Variants in MCM3 observed in about 807,000 individuals in gnomAD.
MCM3 encodes the protein minichromosome maintenance complex component 3.
Under a neutral mutation model 91.3 loss-of-function variants are expected in MCM3, and 59 were observed. The ratio of observed to expected loss-of-function variants is 0.65; its 90% CI spans 0.52 to 0.80. MCM3 has a LOEUF of 0.80. Ranked by LOEUF, MCM3 falls within the 30% of genes least tolerant of loss-of-function variation. MCM3 has a pLI of 0.00. For missense variants in MCM3, 919 were observed against 1,035.4 expected (o/e 0.89, Z 1.54); for synonymous variants, 383 against 379.6 (o/e 1.01, Z -0.10).
Position 52,283,148 on chromosome 6 carries a change from A to G in MCM3, c.191+146T>C, listed in dbSNP as rs868647771. The G allele has an allele frequency of 5.8e-4, 385 of 660,510 alleles. 1 individual carries two copies. The African/African-American group carries it at 6.5e-3, about 11-fold the overall frequency. 40.9% of individuals were successfully genotyped at this position (660,510 alleles called of 1,614,324 possible). On this transcript the variant is annotated intron_variant, in intron 2 of 16. Coordinates refer to ENST00000596288, the MANE Select transcript of MCM3 (RefSeq NM_002388.6). ...AACCACCCACTTTTTGAAAAAAAAAAAAAAAAAAATAGGTGCAGGTGAGCT... is the reference window on the plus strand; with the variant it reads ...AACCACCCACTTTTTGAAAAAAAAAGAAAAAAAAATAGGTGCAGGTGAGCT...
chr6:52,269,244 G>A lies in MCM3; in HGVS notation c.1828-18C>T. On this transcript the variant is annotated intron_variant, in intron 12 of 16. Transcript: ENST00000596288. ...GGAGATGTCTAGGGAAGAAAAGGGA[G>A]GATTGCTTATCCCAAGTCTTTTAGG... The A allele has an allele frequency of 6.3e-7, 1 of 1,597,738 alleles. No individual in the cohort carries two copies. The highest frequency in any genetic ancestry group is 1.1e-5 in the South Asian group (1 of 90,052).
chr6:52,270,560 T>TC (rs1427070152), intron 12 of MCM3, among the ~76,000 whole-genome samples: 1 of 152,150 alleles, frequency 6.6e-6, no homozygotes, highest in Non-Finnish European at 1.5e-5. Flanking sequence ...AGTCATACAC[T>TC]CCATGACAAG....
At chr6:52,273,209 A>T (rs1265311016) in intron 11 of MCM3, 21 bp downstream of exon 11, 5 of 1,613,960 alleles carry the variant, frequency 3.1e-6, no homozygotes, top group Non-Finnish European at 4.2e-6. Context: ...TCCCTTGAGG[A>T]AGAGTTATGA....
chr6:52,278,070 C>CAAAAAAAAAAAAA (rs61625257), intron 6 of MCM3, among the ~76,000 whole-genome samples: 10 of 38,972 alleles, frequency 2.6e-4, no homozygotes, highest in African/African-American at 2.4e-4. Context: ...TCCGTCTCAC[C>CAAAAAAAAAAAAA]AAAAAAAAAA....
chr6:52,267,283 A>T (rs1172167602), intron 14 of MCM3, among the ~76,000 whole-genome samples: 1 of 151,726 alleles, frequency 6.6e-6, no homozygotes, highest in Non-Finnish European at 1.5e-5. Context: ...TATTTTTAGT[A>T]GAGACAGGGT....
At chr6:52,266,500 G>T in intron 15 of MCM3, 111 bp downstream of exon 15, 1 of 972,076 alleles carries the variant, frequency 1.0e-6, no homozygotes, top group Non-Finnish European at 1.6e-6. Flanking sequence ...TAGGCCCCAA[G>T]CAGGGAGCCA....
intron 16 of MCM3, among the ~76,000 whole-genome samples, chr6:52,265,670 A>T (rs1462968459): frequency 1.3e-5 from 2 of 152,228 alleles, no homozygotes; most frequent in Non-Finnish European, 2.9e-5. Context: ...AGTAAACAAA[A>T]TTCATAGATA....
rs1329330904 is a variant in MCM3, at chr6:52,279,611, C to A, written c.532-12G>T. 3 of 1,592,370 alleles carry A rather than the reference C, an allele frequency of 1.9e-6. No individual in the cohort carries two copies. The African/African-American group carries it at 4.0e-5, about 21-fold the overall frequency. ...TTGTTCTCCTCATCCTAGAAAAAGG[C>A]ACACAGAGGGACAGAGTGATCTCCG... is the stretch of plus-strand genomic sequence containing the variant. On this transcript the variant is annotated splice_polypyrimidine_tract_variant and intron_variant, in intron 4 of 16. Transcript: ENST00000596288.
Position 52,283,099 on chromosome 6 carries a change from A to G in MCM3, c.191+195T>C, listed in dbSNP as rs1343797130. Among the ~76,000 whole-genome samples, 21 of 150,126 alleles carry G rather than the reference A, an allele frequency of 1.4e-4. 1 individual carries two copies. Among genetic ancestry groups the G allele is most frequent in the Admixed American group, 1.3e-3 (19 of 14,946 alleles). ...TGATATTCAGCTAAACATTGGAAGG[A>G]GGGGCATTTGGGAGGAAAATGCCAA... On this transcript the variant is annotated intron_variant, in intron 2 of 16. Coordinates refer to ENST00000596288, the MANE Select transcript of MCM3 (RefSeq NM_002388.6).
chr6:52,278,915 C>G, intron 5 of MCM3, 65 bp from the exon 6 acceptor site: 1 of 1,187,828 alleles, frequency 8.4e-7, no homozygotes, highest in Non-Finnish European at 1.2e-6. Flanking sequence ...AGCTAGTACC[C>G]CTAGCAGGAG....
chr6:52,278,916 C>A, intron 5 of MCM3, 66 bp from the exon 6 acceptor site: 2 of 1,172,430 alleles, frequency 1.7e-6, no homozygotes, highest in South Asian at 1.4e-5. Context: ...GCTAGTACCC[C>A]TAGCAGGAGT....
chr6:52,273,287 T>G lies in MCM3; in HGVS notation c.1619A>C (p.Gln540Pro), dbSNP rs766445876. The change falls in exon 11 of 17, where the codon CAG becomes CCG. Residue 540 changes from glutamine (Q) to proline (P), a missense_variant. Gln to Pro is a moderately conservative substitution (Grantham distance 76, BLOSUM62 -1). Coordinates refer to ENST00000596288, the MANE Select transcript of MCM3 (RefSeq NM_002388.6). The part of the protein sequence containing the change: ...DDPNFSQEDQ[Q>P]DTQIYEKHDN... The stretch of plus-strand genomic sequence containing the variant: ...ATGCTTCTCATAAATCTGGGTGTCC[T>G]GCTGATCTTCCTGGCTAAAGTTGGG... 6.2e-7 allele frequency: 1 copy of G among 1,614,218 alleles called. No individual in the cohort carries two copies. Among genetic ancestry groups the G allele is most frequent in the South Asian group, 1.1e-5 (1 of 91,088 alleles).
chr6:52,282,438 C>G (rs528368745), intron 3 of MCM3, among the ~76,000 whole-genome samples: 1 of 152,258 alleles, frequency 6.6e-6, no homozygotes, highest in African/African-American at 2.4e-5. Context: ...AACCAAGACT[C>G]CTCCAGCTCT....
chr6:52,274,698 A>C (rs1007310808), intron 9 of MCM3, among the ~76,000 whole-genome samples: 1 of 151,890 alleles, frequency 6.6e-6, no homozygotes, highest in African/African-American at 2.4e-5. Flanking sequence ...CAGAAAAAAA[A>C]AAAAAAAATC....
At chr6:52,273,004 A>G (rs1026530758) in intron 11 of MCM3, among the ~76,000 whole-genome samples, 25 of 152,230 alleles carry the variant, frequency 1.6e-4, no homozygotes, top group African/African-American at 5.5e-4. Context: ...CTATTTTAAG[A>G]AAAGACCTGA....
At chr6:52,284,445 T>A (rs1766459130) in intron 1 of MCM3, 152 bp downstream of exon 1, 1 of 637,728 alleles carries the variant, frequency 1.6e-6, no homozygotes, top group Non-Finnish European at 2.6e-6. Flanking sequence ...AGTCCGGCGT[T>A]GAGAAGTTAC....
intron 3 of MCM3, among the ~76,000 whole-genome samples, chr6:52,282,394 G>A (rs1766183632): frequency 6.6e-6 from 1 of 152,014 alleles, no homozygotes; most frequent in Non-Finnish European, 1.5e-5. Context: ...TAATAAATAG[G>A]TGGAGTTAGA....
Position 52,269,168 on chromosome 6 carries a change from G to T in MCM3, c.1886C>A (p.Ala629Glu). The change falls in exon 13 of 17, where the codon GCG (alanine) becomes GAG (glutamate). Residue 629 changes from alanine (A) to glutamate (E), a missense_variant. Ala to Glu is a moderately radical substitution (Grantham distance 107). This residue lies in a region of MCM3 where 285 missense variants were observed against 311.4 expected (regional missense o/e 0.92). Coordinates refer to ENST00000596288, the MANE Select transcript of MCM3 (RefSeq NM_002388.6). ...CACAGTCTTGCTCATGCGGGCCTTC[G>T]CATGGGCTGTGGCCAGTCGAATCAG... is the stretch of plus-strand genomic sequence containing the variant. ...ETLIRLATAHAKARMSKTVDL... is the reference protein window; with the variant it reads ...ETLIRLATAHEKARMSKTVDL... The T allele has an allele frequency of 2.5e-6, 4 of 1,613,938 alleles. No individual in the cohort carries two copies. The highest frequency in any genetic ancestry group is 3.4e-6 in the Non-Finnish European group (4 of 1,179,842).
At chr6:52,265,183 A>G (rs1239209602) in intron 16 of MCM3, 4 of 340,742 alleles carry the variant, frequency 1.2e-5, no homozygotes, top group African/African-American at 2.2e-5. Context: ...AACAGGGAAC[A>G]ACCCAAATGT....
Sources: gnomAD v4.1 joint callset for allele counts (sites outside exome capture counted in the v4.1 genomes callset) on GRCh38, gnomAD v4.1.1 for gene constraint, gnomAD v4.1.1 regional missense constraint, MANE v1.5 for transcripts, NCBI Gene and HGNC (gene_info 2026-07-23, HGNC 2026-07-21) for gene names.